DCDC1: variants seen among roughly 807,000 people sequenced by gnomAD.
DCDC1 encodes the protein doublecortin domain-containing protein 1.
DCDC1 carries 200 observed loss-of-function variants against 178.3 expected under a neutral mutation model. The observed-to-expected ratio is 1.12, with a 90% CI of 1.00 to 1.26. The LOEUF (loss-of-function observed/expected upper bound fraction) is 1.26, where lower values mean the gene tolerates loss of function less well. DCDC1 is among the 50% of genes most tolerant of loss of function. The pLI, the probability that DCDC1 is intolerant of heterozygous loss-of-function variation, is 0.00. For missense variants in DCDC1, 1,983 were observed against 1,749.2 expected (o/e 1.13, Z -2.38); for synonymous variants, 690 against 604.8 (o/e 1.14, Z -2.07).
intron 9 of DCDC1, among the ~76,000 whole-genome samples, chr11:31,200,546 A>T (rs944486116): frequency 1.3e-5 from 2 of 152,134 alleles, no homozygotes; most frequent in African/African-American, 4.8e-5. Context: ...TTAAAAAGAA[A>T]CACAAGTCAA....
intron 38 of DCDC1, among the ~76,000 whole-genome samples, chr11:30,867,082 G>T (rs1012090183): frequency 6.6e-6 from 1 of 152,148 alleles, no homozygotes; most frequent in African/African-American, 2.4e-5. Flanking sequence ...TCCAAATGTA[G>T]CTTACCTTGC....
chr11:31,237,745 G>A (rs138091404), intron 9 of DCDC1, among the ~76,000 whole-genome samples: 51 of 152,094 alleles, frequency 3.4e-4, no homozygotes, highest in Middle Eastern at 3.4e-3. Context: ...AGAAATATTG[G>A]AGAATACTTT....
At chr11:31,014,669 G>A (rs98769) in intron 20 of DCDC1, among the ~76,000 whole-genome samples, 20,466 of 152,142 alleles carry the variant, frequency 0.13, 4,593 homozygotes, top group African/African-American at 0.46. Flanking sequence ...TATGATGCCA[G>A]CCATTTTTAT....
chr11:31,357,154 A>G (rs1433928074), intron 1 of DCDC1, among the ~76,000 whole-genome samples: 4 of 152,170 alleles, frequency 2.6e-5, no homozygotes, highest in Non-Finnish European at 4.4e-5. Context: ...TTTTAGACCA[A>G]TATCCCTGAT....
chr11:31,102,706 T>C (rs1958590753), intron 14 of DCDC1, among the ~76,000 whole-genome samples: 1 of 152,216 alleles, frequency 6.6e-6, no homozygotes, highest in Non-Finnish European at 1.5e-5. Context: ...TCCAATATGG[T>C]AGTCACTAGC....
At chr11:31,030,933 A>C (rs1953585281) in intron 20 of DCDC1, among the ~76,000 whole-genome samples, 1 of 152,094 alleles carries the variant, frequency 6.6e-6, no homozygotes. Flanking sequence ...ACTTATACCC[A>C]GTTATTTTTA....
intron 20 of DCDC1, among the ~76,000 whole-genome samples, chr11:30,975,815 C>G (rs564776334): frequency 2.0e-5 from 3 of 151,764 alleles, no homozygotes; most frequent in African/African-American, 7.2e-5. Context: ...CAATACAATC[C>G]CTATCAAAGT....
intron 3 of DCDC1, among the ~76,000 whole-genome samples, chr11:31,309,606 A>G (rs532690882): frequency 6.6e-5 from 10 of 152,318 alleles, no homozygotes; most frequent in Admixed American, 5.9e-4. Context: ...TTTCCAATAA[A>G]TAGTTACTTG....
At chr11:31,294,978 C>T (rs903592185) in intron 6 of DCDC1, among the ~76,000 whole-genome samples, 12 of 152,048 alleles carry the variant, frequency 7.9e-5, no homozygotes, top group Non-Finnish European at 1.3e-4. Context: ...TGATGGGAAG[C>T]TGTTAGAAGA....
At chr11:30,924,997 T>C (rs1946504878) in intron 23 of DCDC1, among the ~76,000 whole-genome samples, 1 of 150,844 alleles carries the variant, frequency 6.6e-6, no homozygotes, top group Admixed American at 6.6e-5. Context: ...TGCTTGAGCA[T>C]GGGAGGCAGA....
chr11:31,044,544 G>C (rs1458958845), intron 20 of DCDC1, among the ~76,000 whole-genome samples: 2 of 151,378 alleles, frequency 1.3e-5, no homozygotes, highest in African/African-American at 4.9e-5. Flanking sequence ...GAAGATGGAA[G>C]GGGCTGTGTG....
chr11:30,882,361 C>G (rs1273291610), intron 36 of DCDC1: 4 of 152,122 alleles, frequency 2.6e-5, no homozygotes, highest in Non-Finnish European at 5.9e-5. Context: ...TCAAATTATC[C>G]AAAAATATAT....
intron 21 of DCDC1, among the ~76,000 whole-genome samples, chr11:30,944,762 A>C (rs980115867): frequency 2.6e-5 from 4 of 152,068 alleles, no homozygotes; most frequent in African/African-American, 9.7e-5. Flanking sequence ...CAACTTGTCT[A>C]TCTTTAGCTA....
intron 8 of DCDC1, among the ~76,000 whole-genome samples, chr11:31,265,226 C>T (rs2137107244): frequency 6.6e-6 from 1 of 152,102 alleles, no homozygotes; most frequent in East Asian, 1.9e-4. Context: ...TATAAATTGG[C>T]TGTTACGTTA....
At chr11:31,043,183 C>G (rs1202278294) in intron 20 of DCDC1, among the ~76,000 whole-genome samples, 1 of 152,140 alleles carries the variant, frequency 6.6e-6, no homozygotes, top group Non-Finnish European at 1.5e-5. Context: ...AAATATGAGG[C>G]CACTGTTGTC....
intron 20 of DCDC1, among the ~76,000 whole-genome samples, chr11:31,053,908 CAACAAG>C (rs1290124135): frequency 8.6e-5 from 13 of 152,022 alleles, no homozygotes; most frequent in African/African-American, 2.9e-4. Flanking sequence ...CTGAGAACTG[CAACAAG>C]ACAAGGATGC....
rs553780748 is a variant in DCDC1 at position 31,012,794 on chromosome 11, A to G, written c.2591+51675T>C. Among the ~76,000 whole-genome samples, 7 of 152,320 alleles carry G rather than the reference A, an allele frequency of 4.6e-5. No homozygotes were observed. In the East Asian group the frequency reaches 1.4e-3, roughly 29 times the overall value. ...GACCAAGAAAAGCAAGAAACAAAAT[A>G]GTATGTTAGCAGGAGATTATTTATA... is the stretch of plus-strand genomic sequence containing the variant. On this transcript the variant is annotated intron_variant, in intron 20 of 38. Transcript: ENST00000684477.
intron 9 of DCDC1, among the ~76,000 whole-genome samples, chr11:31,214,513 G>A (rs1343768163): frequency 6.6e-6 from 1 of 152,098 alleles, no homozygotes; most frequent in Non-Finnish European, 1.5e-5. Flanking sequence ...AATCCTCAGT[G>A]TGGTAGGGAG....
chr11:31,011,284 T>C (rs1165338011), intron 20 of DCDC1, among the ~76,000 whole-genome samples: 2 of 152,168 alleles, frequency 1.3e-5, no homozygotes, highest in Non-Finnish European at 2.9e-5. Flanking sequence ...TTTAGCACAG[T>C]CATGAAAGAA....
Sources: gnomAD v4.1 joint callset for allele counts (sites outside exome capture counted in the v4.1 genomes callset) on GRCh38, gnomAD v4.1.1 for gene constraint, MANE v1.5 for transcripts, NCBI Gene and HGNC (gene_info 2026-07-23, HGNC 2026-07-21) for gene names.